Variants in CLEC2A observed in about 807,000 individuals in gnomAD.
CLEC2A encodes the protein C-type lectin domain family 2 member A, also known as keratinocyte-associated C-type lectin.
A neutral mutation model predicts 18.6 loss-of-function variants in CLEC2A; 19 were observed. The observed-to-expected ratio is 1.02, with a 90% CI of 0.71 to 1.50. CLEC2A has a LOEUF of 1.50. Ranked by LOEUF, CLEC2A falls within the 40% of genes most tolerant of loss-of-function variation. The pLI is 0.00. For synonymous variants in CLEC2A, 74 were observed against 64.0 expected (o/e 1.16, Z -0.75); for missense variants, 190 against 207.9 (o/e 0.91, Z 0.53).
intron 4 of CLEC2A, among the ~76,000 whole-genome samples, chr12:9,901,596 T>C (rs1862830311): frequency 6.6e-6 from 1 of 152,184 alleles, no homozygotes; most frequent in Admixed American, 6.5e-5. Context: ...AATAATCCTG[T>C]TTACTTCATT....
chr12:9,891,047 ATT>A, the CLEC2A span, among the ~76,000 whole-genome samples: 5 of 137,884 alleles, frequency 3.6e-5, no homozygotes, highest in Admixed American at 7.2e-5. Flanking sequence ...CCTCCTTTTA[ATT>A]TTTTTTTTTT....
the CLEC2A span, among the ~76,000 whole-genome samples, chr12:9,882,097 G>A: frequency 6.6e-6 from 1 of 151,846 alleles, no homozygotes; most frequent in East Asian, 1.9e-4. Context: ...TACTGGGAAT[G>A]CGAGAAGAGA....
downstream of CLEC2A, among the ~76,000 whole-genome samples, chr12:9,896,322 A>G (rs892285838): frequency 2.6e-5 from 4 of 152,154 alleles, no homozygotes; most frequent in African/African-American, 9.7e-5. Context: ...ATAATGTACA[A>G]TATTTAGGTG....
the CLEC2A span, chr12:9,888,851 G>A: frequency 0.022 from 19,081 of 866,472 alleles, 267 homozygotes; most frequent in Middle Eastern, 0.046. Context: ...TCTTCCTGGC[G>A]TTCACCCATG....
At chr12:9,931,859 C>T (rs1300689186) in intron 1 of CLEC2A, among the ~76,000 whole-genome samples, 1 of 152,120 alleles carries the variant, frequency 6.6e-6, no homozygotes, top group Non-Finnish European at 1.5e-5. Context: ...TGAAAACAAA[C>T]TTCATTGTTG....
intron 2 of CLEC2A, among the ~76,000 whole-genome samples, chr12:9,925,236 C>G (rs948418465): frequency 3.3e-5 from 5 of 152,156 alleles, no homozygotes; most frequent in African/African-American, 1.2e-4. Context: ...CATTCTCAGG[C>G]CCGCAGAAAA....
At chr12:9,893,815 A>G (rs1002875013), downstream of CLEC2A, among the ~76,000 whole-genome samples, 2 of 152,126 alleles carry the variant, frequency 1.3e-5, no homozygotes, top group African/African-American at 4.8e-5. Context: ...AAAATTCATA[A>G]TAATTTTTAA....
At chr12:9,920,926 A>T (rs953603460) in intron 3 of CLEC2A, among the ~76,000 whole-genome samples, 1 of 152,204 alleles carries the variant, frequency 6.6e-6, no homozygotes, top group Non-Finnish European at 1.5e-5. Context: ...AAAAGGGTTT[A>T]AAAAATCTAC....
chr12:9,925,087 C>T (rs1253408127), intron 2 of CLEC2A, among the ~76,000 whole-genome samples: 1 of 152,114 alleles, frequency 6.6e-6, no homozygotes, highest in East Asian at 1.9e-4. Flanking sequence ...AATTTATTAC[C>T]CTTTGTTGAA....
downstream of CLEC2A, among the ~76,000 whole-genome samples, chr12:9,894,093 CTCTT>C (rs1006619090): frequency 5.4e-5 from 8 of 148,250 alleles, no homozygotes; most frequent in Non-Finnish European, 7.5e-5. Flanking sequence ...CTTCTTCTTT[CTCTT>C]TCTCTCTTTT....
Position 9,907,939 on chromosome 12 carries a change from T to C in CLEC2A, c.410+8761A>G, listed in dbSNP as rs116580237. Among the ~76,000 whole-genome samples the C allele has an allele frequency of 5.1e-3, 774 of 152,294 alleles. 11 individuals are homozygous for C. Among genetic ancestry groups the C allele is most frequent in the African/African-American group, 0.017 (709 of 41,558 alleles). ...ATTTTGCTGAGGATGGTGTAAGGGT[T>C]AGGGACAAAAGGATAAGTCATCTGG... On this transcript the variant is annotated intron_variant, in intron 4 of 4. Coordinates refer to the CLEC2A transcript ENST00000339766.
At chr12:9,894,972 C>T (rs1187167676), downstream of CLEC2A, among the ~76,000 whole-genome samples, 1 of 152,066 alleles carries the variant, frequency 6.6e-6, no homozygotes, top group Non-Finnish European at 1.5e-5. Flanking sequence ...GTGGTTATAA[C>T]AGTGTTCAGT....
chr12:9,903,762 G>T (rs569614560), intron 4 of CLEC2A, among the ~76,000 whole-genome samples: 1 of 152,186 alleles, frequency 6.6e-6, no homozygotes, highest in East Asian at 1.9e-4. Flanking sequence ...TTTATTTATA[G>T]TTAACCACCA....
chr12:9,927,357 T>C (rs985596071), intron 1 of CLEC2A, among the ~76,000 whole-genome samples: 3 of 152,194 alleles, frequency 2.0e-5, no homozygotes, highest in African/African-American at 7.2e-5. Flanking sequence ...GGCAGCTTCA[T>C]TGTAATCTTA....
Position 9,913,621 on chromosome 12 carries a change from G to C in CLEC2A, c.470C>G (p.Ser157Cys). 1 of 1,549,610 alleles carries C rather than the reference G, an allele frequency of 6.5e-7. No individual in the cohort carries two copies. The highest frequency in any genetic ancestry group is 1.2e-5 in the South Asian group (1 of 83,924). The change falls in exon 5 of 5, where the codon TCC (serine) becomes TGC (cysteine). Residue 157 changes from serine (S) to cysteine (C), a missense_variant. Ser to Cys is a moderately radical substitution (Grantham distance 112, BLOSUM62 -1). Transcript: ENST00000455827. ...CCACTTGATATCAATAAATCCTCTG[G>C]AACTATGGACTCCATCAGCACTCAA... ...AFLSADGVHSSRGFIDIKWIC... is the reference protein window; with the variant it reads ...AFLSADGVHSCRGFIDIKWIC...
downstream of CLEC2A, among the ~76,000 whole-genome samples, chr12:9,910,573 C>T (rs557175489): frequency 1.3e-5 from 2 of 152,274 alleles, no homozygotes; most frequent in South Asian, 4.2e-4. Context: ...CAATCTTCTC[C>T]TTTTGTTTTG....
rs1320572734 is a variant in CLEC2A at position 9,932,338 on chromosome 12, G to A, written c.-9C>T. 52 of 1,551,640 alleles carry A rather than the reference G, an allele frequency of 3.4e-5. No homozygotes were observed. The highest frequency in any genetic ancestry group is 4.8e-5 in the South Asian group (4 of 84,040). On this transcript the variant is annotated 5_prime_UTR_variant, in exon 1 of 5. Transcript: ENST00000455827. ...AGCTCTGGATTAATCATGGCAAGGC[G>A]CTAACCGATGGAGATCAGTAGGAGA... is the stretch of plus-strand genomic sequence containing the variant.
At chr12:9,903,747 A>G (rs112003761) in intron 4 of CLEC2A, among the ~76,000 whole-genome samples, 232 of 152,322 alleles carry the variant, frequency 1.5e-3, no homozygotes, top group African/African-American at 5.3e-3. Context: ...TATCCAATTT[A>G]CATTTTTATT....
chr12:9,889,255 T>G, the CLEC2A span, among the ~76,000 whole-genome samples: 1 of 152,214 alleles, frequency 6.6e-6, no homozygotes, highest in Non-Finnish European at 1.5e-5. Context: ...ACAGAATATT[T>G]CATGTAGATT....
Sources: gnomAD v4.1 joint callset for allele counts (sites outside exome capture counted in the v4.1 genomes callset) on GRCh38, gnomAD v4.1.1 for gene constraint, MANE v1.5 for transcripts, NCBI Gene and HGNC (gene_info 2026-07-23, HGNC 2026-07-21) for gene names.